The following CUX1 variants were observed in gnomAD, a reference collection of about 807,000 sequenced individuals.
The protein encoded by CUX1 is cut like homeobox 1.
Under a neutral mutation model 158.8 loss-of-function variants are expected in CUX1, and 31 were observed. The observed-to-expected ratio is 0.20, with a 90% CI of 0.15 to 0.26. The LOEUF (loss-of-function observed/expected upper bound fraction) is 0.26. CUX1 is among the 10% of genes least tolerant of loss of function. The pLI is 1.00. For missense variants in CUX1, 1,589 were observed against 2,014.6 expected, an observed-to-expected ratio of 0.79 and a Z score of 4.04; for synonymous variants, 879 against 862.1, an observed-to-expected ratio of 1.02 and a Z score of -0.34.
chr7:102,176,374 A>C (rs2131748605), intron 10 of CUX1, among the ~76,000 whole-genome samples: 1 of 152,176 alleles, frequency 6.6e-6, no homozygotes, highest in South Asian at 2.1e-4. Context: ...GAAACTGAGC[A>C]CTTCAGAGGG....
At chr7:101,885,760 A>G (rs1392601291) in intron 1 of CUX1, among the ~76,000 whole-genome samples, 1 of 152,152 alleles carries the variant, frequency 6.6e-6, no homozygotes, top group Non-Finnish European at 1.5e-5. Context: ...ATGTTTTCCA[A>G]AGATATCTTG....
chr7:102,019,025 C>T (rs1819012866), intron 2 of CUX1, among the ~76,000 whole-genome samples: 1 of 152,148 alleles, frequency 6.6e-6, no homozygotes, highest in South Asian at 2.1e-4. Flanking sequence ...GTGGCATTGG[C>T]ATCCAGGCTC....
intron 18 of CUX1, 48 bp from the exon 19 acceptor site, chr7:102,204,343 A>G (rs781802128): frequency 6.2e-7 from 1 of 1,602,180 alleles, no homozygotes; most frequent in Non-Finnish European, 8.5e-7. Context: ...CTGTGGTGTC[A>G]TGCTAATAGC....
intron 1 of CUX1, chr7:101,913,410 C>T (rs936304810): frequency 2.5e-5 from 31 of 1,259,334 alleles, no homozygotes; most frequent in South Asian, 8.8e-5. Flanking sequence ...TTGCCGCAGG[C>T]GCACTGGCTC....
At chr7:102,176,558 C>CTTTTTTTTTTTTTT (rs60973137) in intron 10 of CUX1, among the ~76,000 whole-genome samples, 2 of 86,730 alleles carry the variant, frequency 2.3e-5, no homozygotes, top group Non-Finnish European at 4.2e-5. Context: ...GCCAGGATTC[C>CTTTTTTTTTTTTTT]TTTTTTTTTT....
At chr7:101,939,701 C>T (rs947715811) in intron 2 of CUX1, among the ~76,000 whole-genome samples, 2 of 151,974 alleles carry the variant, frequency 1.3e-5, no homozygotes, top group Non-Finnish European at 2.9e-5. Flanking sequence ...GTGGTGGTTG[C>T]CTGTGGTCCC....
chr7:102,033,800 T>A (rs1404349027), intron 3 of CUX1, among the ~76,000 whole-genome samples: 1 of 152,108 alleles, frequency 6.6e-6, no homozygotes, highest in Non-Finnish European at 1.5e-5. Context: ...GAGGCTAATA[T>A]AACCTTGATA....
Position 102,008,830 on chromosome 7 carries a change from C to T in CUX1, c.142-19268C>T, listed in dbSNP as rs537434551. On this transcript the variant is annotated intron_variant, in intron 2 of 23. Transcript: ENST00000292535. ...AGCACAGTCATGGTGAATCCTGATG[C>T]GCACCCCAGGTCTTTTATCAGGATT... 5.0e-4 allele frequency among the ~76,000 whole-genome samples: 76 copies of T among 152,268 alleles called. 1 individual carries two copies. The South Asian group carries it at 0.014, about 28-fold the overall frequency.
intron 22 of CUX1, among the ~76,000 whole-genome samples, chr7:102,238,145 A>C (rs191807103): frequency 8.5e-5 from 13 of 152,312 alleles, no homozygotes; most frequent in African/African-American, 2.9e-4. Flanking sequence ...TGACAATGTC[A>C]GGCCCTCCAC....
In CUX1 at chr7:102,139,751, A is replaced by T. The variant is rs868911827; in HGVS notation, c.675-18809A>T. 2.6e-5 allele frequency among the ~76,000 whole-genome samples: 4 copies of T among 152,284 alleles called. No homozygotes were observed. The South Asian group carries it at 6.2e-4, about 24-fold the overall frequency. On this transcript the variant is annotated intron_variant, in intron 8 of 23. Coordinates refer to ENST00000292535, the MANE Select transcript of CUX1 (RefSeq NM_181552.4). ...ACTGCAGCCTCAAACTCCTGGGATC[A>T]AGCCATCCTCCTGCCTCACCCCCTT... is the stretch of plus-strand genomic sequence containing the variant.
At chr7:101,865,678 G>A (rs1051187338) in intron 1 of CUX1, among the ~76,000 whole-genome samples, 3 of 152,338 alleles carry the variant, frequency 2.0e-5, no homozygotes, top group Admixed American at 6.5e-5. Flanking sequence ...ACGCCGAAGG[G>A]TGTGCGTGCA....
intron 2 of CUX1, among the ~76,000 whole-genome samples, chr7:101,966,657 G>T (rs966580093): frequency 2.6e-5 from 4 of 152,174 alleles, no homozygotes; most frequent in African/African-American, 9.7e-5. Flanking sequence ...TGGAGGGAAG[G>T]ATAGAAAGAG....
chr7:101,848,051 C>CAAAAAAAAAAAAAAAAAA (rs57428019), intron 1 of CUX1, among the ~76,000 whole-genome samples: 59 of 65,346 alleles, frequency 9.0e-4, no homozygotes, highest in East Asian at 1.6e-3. Context: ...GAGCAAGACT[C>CAAAAAAAAAAAAAAAAAA]AAAAAAAAAA....
rs192432366 is a variant in CUX1, at chr7:102,220,176, C to T, written c.3131-7191C>T. Among the ~76,000 whole-genome samples the T allele has an allele frequency of 6.2e-3, 943 of 152,280 alleles. 8 individuals are homozygous for T. Among genetic ancestry groups the T allele is most frequent in the South Asian group, 9.3e-3 (45 of 4,826 alleles). ...AGGAGTTCGAGACCAGCCTGGCCAA[C>T]ATGGCGAAATCCCATCTCTACTAAA... On this transcript the variant is annotated intron_variant, in intron 20 of 23. Coordinates refer to ENST00000292535, the MANE Select transcript of CUX1 (RefSeq NM_181552.4).
chr7:101,914,447 C>G (rs938057582), intron 1 of CUX1, among the ~76,000 whole-genome samples: 1 of 143,520 alleles, frequency 7.0e-6, no homozygotes, highest in African/African-American at 2.6e-5. Context: ...TCCCTCCCTC[C>G]GTCCTTCCCT....
chr7:102,015,649 G>A (rs908237159), intron 2 of CUX1, among the ~76,000 whole-genome samples: 6 of 152,182 alleles, frequency 3.9e-5, no homozygotes, highest in African/African-American at 1.4e-4. Context: ...GCTTATATGT[G>A]TGTGAGATTC....
chr7:102,236,015 G>C (rs933809852), intron 22 of CUX1, among the ~76,000 whole-genome samples: 4 of 152,138 alleles, frequency 2.6e-5, no homozygotes, highest in African/African-American at 9.7e-5. Flanking sequence ...TGTTTGCCAG[G>C]CACTGCGCTA....
rs183716990 is a variant in CUX1, at chr7:102,117,430, G to A, written c.674+2157G>A. Reference sequence around the variant, plus strand: ...AAAAAAAAAAAAAAAGGTCAATATTGGGCCTATTTGCAGAGGTGCAGTTCC... The same window carrying A: ...AAAAAAAAAAAAAAAGGTCAATATTAGGCCTATTTGCAGAGGTGCAGTTCC... On this transcript the variant is annotated intron_variant, in intron 8 of 23. Coordinates refer to ENST00000292535, the MANE Select transcript of CUX1 (RefSeq NM_181552.4). Among the ~76,000 whole-genome samples, 570 of 125,856 alleles carry A rather than the reference G, an allele frequency of 4.5e-3. 6 individuals are homozygous for A. Among genetic ancestry groups the A allele is most frequent in the African/African-American group, 0.017 (537 of 31,524 alleles). The allele number at this position is 125,856 out of a possible 152,430, so 82.6% of individuals were successfully genotyped here. A position where few individuals can be genotyped will look rare whatever the true frequency, so the allele number is the denominator to read the frequency against.
chr7:101,945,284 C>T (rs1808235229), intron 2 of CUX1, among the ~76,000 whole-genome samples: 2 of 152,142 alleles, frequency 1.3e-5, no homozygotes. Context: ...CTTTCGACAC[C>T]TCCACTGTCA....
Sources: gnomAD v4.1 joint callset for allele counts (sites outside exome capture counted in the v4.1 genomes callset) on GRCh38, gnomAD v4.1.1 for gene constraint, MANE v1.5 for transcripts, NCBI Gene and HGNC (gene_info 2026-07-23, HGNC 2026-07-21) for gene names.